Variants in SCN8A observed in about 807,000 individuals in gnomAD.
The protein encoded by SCN8A is sodium channel protein type 8 subunit alpha.
A neutral mutation model predicts 184.1 loss-of-function variants in SCN8A; 30 were observed. The observed-to-expected ratio is 0.16, with a 90% CI of 0.12 to 0.22. The LOEUF is 0.22. Ranked by LOEUF, SCN8A falls within the 10% of genes least tolerant of loss-of-function variation. The pLI is 1.00. For missense variants in SCN8A, 1,057 were observed against 2,498.9 expected, an observed-to-expected ratio of 0.42 and a Z score of 12.30; for synonymous variants, 852 against 907.0, an observed-to-expected ratio of 0.94 and a Z score of 1.09.
At chr12:51,647,990 A>G (rs1940627990) in intron 1 of SCN8A, among the ~76,000 whole-genome samples, 1 of 152,174 alleles carries the variant, frequency 6.6e-6, no homozygotes, top group Non-Finnish European at 1.5e-5. Flanking sequence ...GCTTCTTGCT[A>G]TTAAATCTTT....
chr12:51,776,032 C>T (rs1479041618), intron 20 of SCN8A, among the ~76,000 whole-genome samples: 1 of 152,208 alleles, frequency 6.6e-6, no homozygotes, highest in Non-Finnish European at 1.5e-5. Context: ...CTCTGTCACC[C>T]AGCCTCAAGT....
chr12:51,596,559 G>C (rs58204661), intron 1 of SCN8A, among the ~76,000 whole-genome samples: 5,723 of 152,208 alleles, frequency 0.038, 356 homozygotes, highest in African/African-American at 0.13. Flanking sequence ...TATTAGCTTA[G>C]GTAGCTAAAC....
chr12:51,607,053 A>G lies in SCN8A; in HGVS notation c.-55+15694A>G, dbSNP rs11169886. Among the ~76,000 whole-genome samples the G allele has an allele frequency of 3.4e-3, 510 of 152,056 alleles. 24 individuals carry two copies. The East Asian group carries it at 0.089, about 27-fold the overall frequency. On this transcript the variant is annotated intron_variant, in intron 1 of 26. Transcript: ENST00000627620. ...GCTGGGATTACAGGGGTATGCCACCACACCTGGCTATTTTTGTATTTGCAG... is the reference window on the plus strand; with the variant it reads ...GCTGGGATTACAGGGGTATGCCACCGCACCTGGCTATTTTTGTATTTGCAG...
chr12:51,621,118 C>G (rs1939952379), intron 1 of SCN8A, among the ~76,000 whole-genome samples: 1 of 152,204 alleles, frequency 6.6e-6, no homozygotes, highest in Admixed American at 6.5e-5. Flanking sequence ...TCCTTGGTCT[C>G]TCCTCAGCTG....
intron 1 of SCN8A, among the ~76,000 whole-genome samples, chr12:51,620,399 A>G (rs919576197): frequency 2.0e-5 from 3 of 152,168 alleles, no homozygotes; most frequent in Admixed American, 1.3e-4. Context: ...TGTGTTCTTT[A>G]TATGGGAGGA....
At chr12:51,753,377 T>C (rs757655822) in intron 14 of SCN8A, among the ~76,000 whole-genome samples, 1 of 151,544 alleles carries the variant, frequency 6.6e-6, no homozygotes, top group Non-Finnish European at 1.5e-5. Context: ...GATGTGGGGG[T>C]TTAATAACTG....
chr12:51,753,576 C>G (rs1453900126), intron 14 of SCN8A, among the ~76,000 whole-genome samples: 3 of 152,114 alleles, frequency 2.0e-5, no homozygotes, highest in Admixed American at 6.5e-5. Context: ...CCAATCAACA[C>G]GAGCGCTGAG....
At chr12:51,772,666 C>T (rs1353933899) in intron 19 of SCN8A, among the ~76,000 whole-genome samples, 64 of 151,832 alleles carry the variant, frequency 4.2e-4, no homozygotes, top group Admixed American at 4.2e-3. Context: ...ACCCATGACC[C>T]CTGTCCCCCC....
chr12:51,716,495 A>T (rs1375393319), intron 11 of SCN8A, among the ~76,000 whole-genome samples: 2 of 152,168 alleles, frequency 1.3e-5, no homozygotes, highest in Non-Finnish European at 2.9e-5. Flanking sequence ...CTGAAAATGG[A>T]GCGTGCACTG....
At chr12:51,592,257 C>T (rs1281282059) in intron 1 of SCN8A, among the ~76,000 whole-genome samples, 1 of 151,912 alleles carries the variant, frequency 6.6e-6, no homozygotes, top group African/African-American at 2.4e-5. Flanking sequence ...GCAGTTTCTC[C>T]TGAGAGCTCA....
intron 1 of SCN8A, among the ~76,000 whole-genome samples, chr12:51,659,886 G>A (rs1592361429): frequency 6.6e-6 from 1 of 152,208 alleles, no homozygotes; most frequent in Admixed American, 6.5e-5. Flanking sequence ...CCAGGAAGAA[G>A]AATCAGTTTT....
intron 11 of SCN8A, among the ~76,000 whole-genome samples, chr12:51,708,954 T>C (rs530383491): frequency 6.6e-6 from 1 of 152,276 alleles, no homozygotes; most frequent in Non-Finnish European, 1.5e-5. Flanking sequence ...GACAGCTGAA[T>C]ACACTAAAAA....
intron 20 of SCN8A, 96 bp from the exon 21 acceptor site, chr12:51,780,553 T>G: frequency 1.2e-6 from 1 of 852,644 alleles, no homozygotes; most frequent in Non-Finnish European, 1.5e-6. Flanking sequence ...CTCTGGAACC[T>G]CTGTTTTCTT....
chr12:51,680,210 T>A (rs985354051), intron 2 of SCN8A, among the ~76,000 whole-genome samples: 4 of 152,194 alleles, frequency 2.6e-5, no homozygotes, highest in African/African-American at 9.7e-5. Flanking sequence ...GATGAAGATA[T>A]AAGATGTAAA....
chr12:51,697,244 G>T (rs949606728), intron 6 of SCN8A, among the ~76,000 whole-genome samples: 1 of 152,024 alleles, frequency 6.6e-6, no homozygotes, highest in East Asian at 1.9e-4. Flanking sequence ...TCCATGGAAG[G>T]CTCACTCTAA....
At chr12:51,788,625 T>TGG in intron 22 of SCN8A, 70 bp from the exon 23 acceptor site, 2 of 1,271,540 alleles carry the variant, frequency 1.6e-6, no homozygotes, top group Non-Finnish European at 2.2e-6. Context: ...GCCTGGCCTT[T>TGG]GGGACCCCTG....
intron 11 of SCN8A, among the ~76,000 whole-genome samples, chr12:51,717,623 G>T (rs776981001): frequency 3.3e-5 from 5 of 152,186 alleles, no homozygotes; most frequent in Non-Finnish European, 7.3e-5. Context: ...CCAGCAACAT[G>T]GAAGAAGGAC....
intron 20 of SCN8A, among the ~76,000 whole-genome samples, chr12:51,775,630 C>CAGAA (rs979513244): frequency 2.0e-5 from 3 of 152,212 alleles, no homozygotes; most frequent in African/African-American, 7.2e-5. Flanking sequence ...CCCCCACAGA[C>CAGAA]AGAAAGCTGG....
intron 1 of SCN8A, among the ~76,000 whole-genome samples, chr12:51,635,899 T>G (rs185446989): frequency 6.6e-6 from 1 of 152,202 alleles, no homozygotes; most frequent in Non-Finnish European, 1.5e-5. Context: ...ACTGTATAGC[T>G]TCATAAATTT....
Sources: gnomAD v4.1 joint callset for allele counts (sites outside exome capture counted in the v4.1 genomes callset) on GRCh38, gnomAD v4.1.1 for gene constraint, MANE v1.5 for transcripts, NCBI Gene and HGNC (gene_info 2026-07-23, HGNC 2026-07-21) for gene names.